MVB12B: variants seen among roughly 807,000 people sequenced by gnomAD.
MVB12B encodes the protein ESCRT-I complex subunit MVB12B.
Under a neutral mutation model 41.6 loss-of-function variants are expected in MVB12B, and 16 were observed. The ratio of observed to expected loss-of-function variants is 0.38; its 90% CI spans 0.26 to 0.58. The LOEUF (loss-of-function observed/expected upper bound fraction) is 0.58, where lower values mean the gene tolerates loss of function less well. Among genes scored for constraint, MVB12B ranks in the 20% least tolerant of loss-of-function variants. MVB12B has a pLI of 0.62. For synonymous variants in MVB12B, 133 were observed against 139.7 expected, an observed-to-expected ratio of 0.95 and a Z score of 0.34; for missense variants, 274 against 380.2, an observed-to-expected ratio of 0.72 and a Z score of 2.32.
chr9:126,338,850 A>T (rs527242333), intron 1 of MVB12B, among the ~76,000 whole-genome samples: 4 of 152,316 alleles, frequency 2.6e-5, no homozygotes, highest in African/African-American at 4.8e-5. Context: ...GGGGACATGC[A>T]CTAAGTAAAT....
At chr9:126,474,117 C>T (rs531448707) in intron 7 of MVB12B, among the ~76,000 whole-genome samples, 21 of 152,142 alleles carry the variant, frequency 1.4e-4, no homozygotes, top group African/African-American at 4.1e-4. Context: ...GGTCAGGCAG[C>T]GTGGGGGGAT....
chr9:126,354,478 G>A (rs2118870131), intron 2 of MVB12B, among the ~76,000 whole-genome samples: 1 of 152,292 alleles, frequency 6.6e-6, no homozygotes, highest in South Asian at 2.1e-4. Context: ...TATTTACAGA[G>A]TCTCAGAGTA....
chr9:126,462,441 A>G (rs1833109580), intron 7 of MVB12B, among the ~76,000 whole-genome samples: 1 of 152,242 alleles, frequency 6.6e-6, no homozygotes, highest in Admixed American at 6.5e-5. Context: ...ATTTCAGAGA[A>G]CAATTATACA....
intron 6 of MVB12B, chr9:126,396,114 T>C: frequency 1.0e-6 from 1 of 991,728 alleles, no homozygotes; most frequent in South Asian, 4.6e-5. Flanking sequence ...TTCATTTTCA[T>C]ATAATTTCTT....
In MVB12B at chr9:126,486,996, C is replaced by G. The variant is rs1380665985; in HGVS notation, c.873+2964C>G. 6.9e-6 allele frequency among the ~76,000 whole-genome samples: 1 copy of G among 144,002 alleles called. No homozygotes were observed. The highest frequency in any genetic ancestry group is 1.5e-5 in the Non-Finnish European group (1 of 66,432). The allele number at this position is 144,002 out of a possible 152,430, so 94.5% of individuals were successfully genotyped here. A position where few individuals can be genotyped will look rare whatever the true frequency, so the allele number is the denominator to read the frequency against. On this transcript the variant is annotated intron_variant, in intron 9 of 9. Transcript: ENST00000361171. This position sits in a 1 kb window ranked among gnomAD's most constrained non-coding sequence, Gnocchi z 4.7. ...CCTGCAAACCTTATTCTCTTCCCCA[C>G]TCTAAGGACTGAAATCTGTGATTCA...
At chr9:126,423,909 T>C (rs1476137845) in intron 7 of MVB12B, among the ~76,000 whole-genome samples, 2 of 152,260 alleles carry the variant, frequency 1.3e-5, no homozygotes, top group Non-Finnish European at 1.5e-5. Flanking sequence ...CCAAAAACAG[T>C]TAAGGCAAAG....
intron 7 of MVB12B, among the ~76,000 whole-genome samples, chr9:126,441,182 A>G (rs1233649267): frequency 6.6e-6 from 1 of 152,024 alleles, no homozygotes; most frequent in African/African-American, 2.4e-5. Context: ...TACTCACAAA[A>G]CCCTCTCACT....
intron 7 of MVB12B, among the ~76,000 whole-genome samples, chr9:126,461,903 C>T (rs865932268): frequency 6.6e-6 from 1 of 152,324 alleles, no homozygotes. Flanking sequence ...TCATCTCCAC[C>T]CAGCAGCGGA....
chr9:126,419,941 C>G (rs901781804), intron 6 of MVB12B, among the ~76,000 whole-genome samples: 14 of 152,136 alleles, frequency 9.2e-5, no homozygotes, highest in African/African-American at 3.1e-4. Flanking sequence ...GGAGTTTGAA[C>G]CCAAGCCTCT....
intron 9 of MVB12B, among the ~76,000 whole-genome samples, chr9:126,485,786 G>A (rs1387189915): frequency 3.9e-5 from 6 of 152,200 alleles, no homozygotes; most frequent in African/African-American, 1.4e-4. Context: ...GGACTGGCAT[G>A]CGGATGATAA....
chr9:126,434,283 G>A (rs1323745063), intron 7 of MVB12B, among the ~76,000 whole-genome samples: 1 of 152,056 alleles, frequency 6.6e-6, no homozygotes, highest in East Asian at 1.9e-4. Flanking sequence ...CTGGAGTTTG[G>A]ATGGAATATA....
At chr9:126,483,567 C>T (rs989341881) in intron 8 of MVB12B, among the ~76,000 whole-genome samples, 6 of 152,086 alleles carry the variant, frequency 3.9e-5, no homozygotes, top group East Asian at 1.9e-4. Flanking sequence ...GGGCGGCCTC[C>T]GGGGAGAGCT....
At chr9:126,346,966 G>A (rs550377004) in intron 2 of MVB12B, among the ~76,000 whole-genome samples, 3 of 152,330 alleles carry the variant, frequency 2.0e-5, no homozygotes, top group East Asian at 1.9e-4. Context: ...AGGTGACAAC[G>A]AGAGGTTGAG....
chr9:126,369,634 T>C (rs912962186), intron 2 of MVB12B, among the ~76,000 whole-genome samples: 2 of 152,178 alleles, frequency 1.3e-5, no homozygotes, highest in Non-Finnish European at 2.9e-5. Flanking sequence ...TATATGTATT[T>C]TTCACGTGGG....
intron 7 of MVB12B, among the ~76,000 whole-genome samples, chr9:126,422,942 C>T (rs1001599247): frequency 6.6e-6 from 1 of 152,114 alleles, no homozygotes. Context: ...CAGGGATGTT[C>T]TTAAGCCCCC....
chr9:126,430,770 T>A (rs149975311), intron 7 of MVB12B, among the ~76,000 whole-genome samples: 1 of 152,162 alleles, frequency 6.6e-6, no homozygotes, highest in Non-Finnish European at 1.5e-5. Flanking sequence ...ATACTGGCCA[T>A]CATACAGTGC....
intron 1 of MVB12B, among the ~76,000 whole-genome samples, chr9:126,334,552 G>A (rs924134785): frequency 2.6e-5 from 4 of 152,332 alleles, no homozygotes; most frequent in African/African-American, 9.6e-5. Context: ...GTGCCCATCA[G>A]GGCAAGCTGT....
At position 126,392,076 on chromosome 9, in the gene MVB12B, T is replaced by C; in HGVS notation, c.420T>C (p.Ala140=). 1 of 1,614,162 alleles carries C rather than the reference T, an allele frequency of 6.2e-7. No homozygotes were observed. Among genetic ancestry groups the C allele is most frequent in the Non-Finnish European group, 8.5e-7 (1 of 1,179,988 alleles). ...IQETVDTQEV[A]FRKKRLCIKF... ...TGTCCTTTCCTTCAGAGGAAGTGGC[T>C]TTTAGGAAGAAGAGGCTGTGCATTA... The change falls in exon 5 of 10, where the codon GCT becomes GCC. Residue 140 remains alanine, a synonymous_variant. Coordinates refer to ENST00000361171, the MANE Select transcript of MVB12B (RefSeq NM_033446.3). This position sits in a 1 kb window ranked among gnomAD's most constrained non-coding sequence, Gnocchi z 4.8.
At chr9:126,502,739 G>T (rs1588218808) in intron 9 of MVB12B, among the ~76,000 whole-genome samples, 1 of 152,224 alleles carries the variant, frequency 6.6e-6, no homozygotes, top group African/African-American at 2.4e-5. Context: ...GGTCCCTAGA[G>T]CCTGGCAGCT....
Sources: allele counts gnomAD v4.1 joint callset (sites outside exome capture counted in the v4.1 genomes callset), GRCh38; gene constraint gnomAD v4.1.1; non-coding constraint Gnocchi (gnomAD v3.1); transcripts MANE v1.5; gene names NCBI Gene and HGNC (gene_info 2026-07-23, HGNC 2026-07-21).